The following TBC1D15 variants were observed in gnomAD, a reference collection of about 807,000 sequenced individuals.
TBC1D15 encodes the protein GAP for RAB7.
TBC1D15 carries 39 observed loss-of-function variants against 95.4 expected under a neutral mutation model. That is an observed-to-expected ratio of 0.41 (90% CI 0.32 to 0.53). The LOEUF is 0.53. Among genes scored for constraint, TBC1D15 ranks in the 20% least tolerant of loss-of-function variants. The probability of loss-of-function intolerance (pLI) is 0.29; values close to 1 mark genes in which losing one functional copy is unlikely to be tolerated. For missense variants in TBC1D15, 733 were observed against 794.3 expected, an observed-to-expected ratio of 0.92 and a Z score of 0.93; for synonymous variants, 258 against 261.3, an observed-to-expected ratio of 0.99 and a Z score of 0.12.
intron 5 of TBC1D15, 124 bp from the exon 6 acceptor site, chr12:71,893,098 G>T: frequency 1.8e-6 from 1 of 546,498 alleles, no homozygotes; most frequent in South Asian, 3.4e-5. Flanking sequence ...TGTATTAATG[G>T]AAAACTGTTA....
chr12:71,875,146 C>G (rs548947526), intron 3 of TBC1D15, among the ~76,000 whole-genome samples: 159 of 152,212 alleles, frequency 1.0e-3, no homozygotes, highest in Non-Finnish European at 1.9e-3. Flanking sequence ...AGCATGTTGG[C>G]TAGGCTGGTC....
chr12:71,922,521 G>T (rs1869819831), intron 16 of TBC1D15, among the ~76,000 whole-genome samples: 1 of 151,878 alleles, frequency 6.6e-6, no homozygotes, highest in Non-Finnish European at 1.5e-5. Context: ...GAAAATTCTT[G>T]CTTGGTCCTT....
At chr12:71,865,160 T>A (rs1210564576) in intron 1 of TBC1D15, among the ~76,000 whole-genome samples, 1 of 152,170 alleles carries the variant, frequency 6.6e-6, no homozygotes, top group Non-Finnish European at 1.5e-5. Flanking sequence ...AGGCTCAGCA[T>A]CTTATAAACC....
In TBC1D15 at chr12:71,857,589, CATA is replaced by C. The variant is rs1450723495; in HGVS notation, c.31-14475_31-14473del. 7.9e-5 allele frequency among the ~76,000 whole-genome samples: 12 copies of C among 152,118 alleles called. No homozygotes were observed. The South Asian group carries it at 2.5e-3, about 32-fold the overall frequency. Reference sequence around the variant, plus strand: ...ATTTTGCTTTTATTTTTAATTGGCACATAATAATTGTACATATTTATGGGGTAC... The same window carrying C: ...ATTTTGCTTTTATTTTTAATTGGCACATAATTGTACATATTTATGGGGTAC... On this transcript the variant is annotated intron_variant, in intron 1 of 16. Transcript: ENST00000485960.
In TBC1D15 at chr12:71,895,966, C is replaced by G; in HGVS notation, c.875C>G (p.Pro292Arg). The G allele has an allele frequency of 1.9e-6, 3 of 1,611,910 alleles. No homozygotes were observed. Among genetic ancestry groups the G allele is most frequent in the Non-Finnish European group, 2.5e-6 (3 of 1,178,646 alleles). Residue 292 changes from proline to arginine, a missense_variant, in exon 8 of 17, where the codon CCT (proline) becomes CGT (arginine). Pro to Arg is a moderately radical substitution (Grantham distance 103). Coordinates refer to ENST00000485960, the MANE Select transcript of TBC1D15 (RefSeq NM_001146213.3). ...VITRIDLGER[P>R]VVQRREPVSL... ...TTTTAGATTGATTTGGGGGAACGCC[C>G]TGTTGTTCAAAGGAGAGAACCGGTA...
chr12:71,870,194 G>A (rs918166707), intron 1 of TBC1D15, among the ~76,000 whole-genome samples: 1 of 152,054 alleles, frequency 6.6e-6, no homozygotes, highest in Non-Finnish European at 1.5e-5. Flanking sequence ...GGATATATTT[G>A]ATAATTTTCC....
intron 3 of TBC1D15, among the ~76,000 whole-genome samples, chr12:71,879,613 T>C (rs999363313): frequency 3.3e-5 from 5 of 152,234 alleles, no homozygotes; most frequent in South Asian, 2.1e-4. Context: ...ATATTTGATA[T>C]TATCTTTTTT....
intron 3 of TBC1D15, among the ~76,000 whole-genome samples, chr12:71,878,763 T>G (rs1406947765): frequency 6.6e-6 from 1 of 151,568 alleles, no homozygotes; most frequent in Non-Finnish European, 1.5e-5. Flanking sequence ...GTGATCCACC[T>G]GCCTTGGCCT....
chr12:71,894,269 T>A, intron 6 of TBC1D15: 1 of 1,449,436 alleles, frequency 6.9e-7, no homozygotes, highest in Non-Finnish European at 9.5e-7. Flanking sequence ...ATCAAATATT[T>A]TGTGTCAGAA....
intron 6 of TBC1D15, among the ~76,000 whole-genome samples, chr12:71,893,724 C>CA (rs1897633963): frequency 6.6e-6 from 1 of 151,924 alleles, no homozygotes; most frequent in Non-Finnish European, 1.5e-5. Flanking sequence ...GACGTCATGA[C>CA]AATCTTATTC....
intron 14 of TBC1D15, among the ~76,000 whole-genome samples, chr12:71,919,975 T>A (rs975826611): frequency 6.6e-6 from 1 of 152,360 alleles, no homozygotes; most frequent in African/African-American, 2.4e-5. Flanking sequence ...ACAATTGGGT[T>A]TAGTTTGAAA....
chr12:71,917,176 C>T (rs572331680), intron 12 of TBC1D15, among the ~76,000 whole-genome samples: 10 of 152,198 alleles, frequency 6.6e-5, no homozygotes, highest in African/African-American at 2.4e-4. Flanking sequence ...ATCATACAGC[C>T]TTTGCACTTG....
chr12:71,842,348 G>T (rs1279927544), intron 1 of TBC1D15, among the ~76,000 whole-genome samples: 1 of 152,128 alleles, frequency 6.6e-6, no homozygotes, highest in East Asian at 1.9e-4. Flanking sequence ...CTGTGCTTCA[G>T]TATCCTCATC....
At chr12:71,879,523 CT>C (rs930009482) in intron 3 of TBC1D15, among the ~76,000 whole-genome samples, 3 of 152,112 alleles carry the variant, frequency 2.0e-5, no homozygotes, top group Non-Finnish European at 4.4e-5. Context: ...TTAGAAAGAC[CT>C]AGTTTGTCCT....
At chr12:71,890,336 A>G (rs1008037819) in intron 5 of TBC1D15, among the ~76,000 whole-genome samples, 38 of 152,290 alleles carry the variant, frequency 2.5e-4, no homozygotes, top group African/African-American at 8.7e-4. Context: ...ACCACAAAGA[A>G]GAGTAGTCAA....
intron 1 of TBC1D15, among the ~76,000 whole-genome samples, chr12:71,867,267 A>C (rs1415508968): frequency 1.3e-5 from 2 of 152,226 alleles, no homozygotes; most frequent in Non-Finnish European, 2.9e-5. Flanking sequence ...GCCATGTGGA[A>C]ATTTTCTGGT....
At chr12:71,879,231 C>G (rs1044802010) in intron 3 of TBC1D15, among the ~76,000 whole-genome samples, 11 of 151,810 alleles carry the variant, frequency 7.2e-5, no homozygotes, top group African/African-American at 2.4e-4. Context: ...CTCCTGGGTT[C>G]AAGCTATTCT....
At chr12:71,842,564 C>T (rs138568631) in intron 1 of TBC1D15, among the ~76,000 whole-genome samples, 1 of 152,062 alleles carries the variant, frequency 6.6e-6, no homozygotes, top group East Asian at 1.9e-4. Flanking sequence ...GGTGCCGTGG[C>T]TCAGGCCTGT....
intron 1 of TBC1D15, among the ~76,000 whole-genome samples, chr12:71,853,085 G>A (rs372901869): frequency 2.6e-5 from 4 of 152,326 alleles, no homozygotes; most frequent in South Asian, 4.1e-4. Context: ...TTGGCTCACA[G>A]TTCTTCAAGT....
Sources: gnomAD v4.1 joint callset for allele counts (sites outside exome capture counted in the v4.1 genomes callset) on GRCh38, gnomAD v4.1.1 for gene constraint, MANE v1.5 for transcripts, NCBI Gene and HGNC (gene_info 2026-07-23, HGNC 2026-07-21) for gene names.